The following RYR3 variants were observed in gnomAD, a reference collection of about 807,000 sequenced individuals.
RYR3 encodes the protein brain ryanodine receptor-calcium release channel.
A neutral mutation model predicts 584.3 loss-of-function variants in RYR3; 207 were observed. The ratio of observed to expected loss-of-function variants is 0.35; its 90% CI spans 0.32 to 0.40. The LOEUF (loss-of-function observed/expected upper bound fraction) is 0.40. RYR3 is among the 10% of genes least tolerant of loss of function. RYR3 has a pLI of 1.00. For synonymous variants in RYR3, 2,416 were observed against 2,248.5 expected (o/e 1.07, Z -2.11); for missense variants, 5,616 against 6,089.2 (o/e 0.92, Z 2.59).
Position 33,698,168 on chromosome 15 carries a change from G to A in RYR3, c.6249+172G>A, listed in dbSNP as rs2277890. 1.1e-3 allele frequency among the ~76,000 whole-genome samples: 173 copies of A among 152,308 alleles called. 1 individual carries two copies. In the East Asian group the frequency reaches 0.022, roughly 20 times the overall value. ...AAGCGATGGGATAATGCTGCTGGAC[G>A]GAATCCCATTGTGTAAGAGCTCTTG... On this transcript the variant is annotated intron_variant, in intron 40 of 103. Transcript: ENST00000634891.
chr15:33,859,527 A>G (rs1000387294), intron 99 of RYR3, 48 bp from the exon 100 acceptor site: 6 of 1,606,976 alleles, frequency 3.7e-6, no homozygotes, highest in Non-Finnish European at 5.1e-6. Flanking sequence ...TCTTGCTAAA[A>G]ACAGAACTGT....
At chr15:33,809,012 G>A (rs1386016999) in intron 70 of RYR3, among the ~76,000 whole-genome samples, 1 of 152,142 alleles carries the variant, frequency 6.6e-6, no homozygotes. Flanking sequence ...AATTGCAGCC[G>A]CCACAAGTGC....
chr15:33,373,914 A>G (rs976868898), intron 1 of RYR3, among the ~76,000 whole-genome samples: 11 of 152,222 alleles, frequency 7.2e-5, no homozygotes, highest in African/African-American at 2.7e-4. Context: ...GAATAGAGAA[A>G]AAGAGGCCAG....
At chr15:33,659,408 C>T (rs1339165278) in intron 32 of RYR3, among the ~76,000 whole-genome samples, 1 of 152,194 alleles carries the variant, frequency 6.6e-6, no homozygotes, top group African/African-American at 2.4e-5. Flanking sequence ...AGCAGGTATG[C>T]CTTTGGTGGG....
chr15:33,706,851 TTTGAGG>T, intron 42 of RYR3, 62 bp from the exon 43 acceptor site: 1 of 1,448,380 alleles, frequency 6.9e-7, no homozygotes, highest in Non-Finnish European at 9.4e-7. Flanking sequence ...CTTGTTATTT[TTTGAGG>T]TGTGTTTTTT....
At chr15:33,686,446 C>T (rs2065015344) in intron 38 of RYR3, among the ~76,000 whole-genome samples, 2 of 152,110 alleles carry the variant, frequency 1.3e-5, no homozygotes, top group Admixed American at 1.3e-4. Flanking sequence ...AGCCTACCAA[C>T]CAAAAAAAGT....
At chr15:33,468,180 T>G (rs892782) in intron 1 of RYR3, among the ~76,000 whole-genome samples, 95,704 of 152,024 alleles carry the variant, frequency 0.63, 31,256 homozygotes, top group African/African-American at 0.83. Flanking sequence ...TTATCAAATA[T>G]AGAGCATATT....
At chr15:33,690,531 C>A (rs2065346613) in intron 38 of RYR3, among the ~76,000 whole-genome samples, 1 of 152,186 alleles carries the variant, frequency 6.6e-6, no homozygotes, top group South Asian at 2.1e-4. Context: ...CTCGTACATA[C>A]CTGCCTCCCA....
chr15:33,721,196 G>A (rs1266934617), intron 43 of RYR3, among the ~76,000 whole-genome samples: 1 of 152,188 alleles, frequency 6.6e-6, no homozygotes, highest in African/African-American at 2.4e-5. Flanking sequence ...CAGCCCTATG[G>A]GGAGGTCAAC....
chr15:33,322,875 C>A (rs888315441), intron 1 of RYR3, among the ~76,000 whole-genome samples: 3 of 151,524 alleles, frequency 2.0e-5, no homozygotes, highest in African/African-American at 4.8e-5. Flanking sequence ...ACACTCTTGT[C>A]TACCTTATTG....
In RYR3 at chr15:33,821,261, T is replaced by A. The variant is rs10714306; in HGVS notation, c.10816-9T>A. On this transcript the variant is annotated splice_polypyrimidine_tract_variant and intron_variant, in intron 78 of 103. Coordinates refer to ENST00000634891, the MANE Select transcript of RYR3 (RefSeq NM_001036.6). ...ACCAATCTTTCCCTGTGATTTTTTT[T>A]CCCCCCAGGAGAAAGAGATGGAGAA... 3 of 1,562,440 alleles carry A rather than the reference T, an allele frequency of 1.9e-6. No homozygotes were observed. The highest frequency in any genetic ancestry group is 2.6e-6 in the Non-Finnish European group (3 of 1,156,044).
intron 17 of RYR3, among the ~76,000 whole-genome samples, chr15:33,601,971 G>A (rs950438419): frequency 6.6e-6 from 1 of 152,168 alleles, no homozygotes; most frequent in Non-Finnish European, 1.5e-5. Context: ...TCTGGCTCAT[G>A]GCCATGTATC....
chr15:33,799,414 A>G lies in RYR3; in HGVS notation c.9831-1356A>G, dbSNP rs369066257. The stretch of plus-strand genomic sequence containing the variant: ...ATAACCAATGGCCAGGGGTTTCACC[A>G]ATCATGCCTATATAATGGAGCCACC... On this transcript the variant is annotated intron_variant, in intron 67 of 103. Coordinates refer to ENST00000634891, the MANE Select transcript of RYR3 (RefSeq NM_001036.6). 2.4e-3 allele frequency among the ~76,000 whole-genome samples: 371 copies of G among 151,718 alleles called. 3 individuals carry two copies. The highest frequency in any genetic ancestry group is 8.4e-3 in the African/African-American group (347 of 41,418).
At position 33,601,512 on chromosome 15, in the gene RYR3, A is replaced by T; in HGVS notation, c.1882A>T (p.Asn628Tyr). Residue 628 changes from asparagine to tyrosine, a missense_variant, in exon 17 of 104, where the codon AAC becomes TAC. Physicochemically the swap from Asn to Tyr is moderately radical, Grantham distance 143 (BLOSUM62 -2). Around this residue, in one of 9 missense-constraint regions of RYR3, gnomAD observed 1,284 missense variants for 1,344.6 expected, o/e 0.95. Transcript: ENST00000634891. ...LICDNLLPRR[N>Y]LLLQTRLIND... ...CTGTGACAACTTGCTGCCCCGGAGA[A>T]ACCTACTCCTGCAGACACGACTGAT... 1 of 1,613,770 alleles carries T rather than the reference A, an allele frequency of 6.2e-7. No homozygotes were observed. The highest frequency in any genetic ancestry group is 8.5e-7 in the Non-Finnish European group (1 of 1,179,814).
intron 8 of RYR3, among the ~76,000 whole-genome samples, chr15:33,544,395 G>A (rs1233858679): frequency 1.3e-5 from 2 of 152,110 alleles, no homozygotes; most frequent in Non-Finnish European, 2.9e-5. Context: ...TGGGACAGCA[G>A]TGAGTCTGAT....
At chr15:33,719,283 T>C (rs1232261957) in intron 43 of RYR3, among the ~76,000 whole-genome samples, 2 of 152,346 alleles carry the variant, frequency 1.3e-5, no homozygotes, top group East Asian at 3.9e-4. Flanking sequence ...CTGAGACTCA[T>C]AAAATAAGGT....
chr15:33,489,736 G>T lies in RYR3; in HGVS notation c.172-13895G>T, dbSNP rs190842048. On this transcript the variant is annotated intron_variant, in intron 2 of 103. Coordinates refer to ENST00000634891, the MANE Select transcript of RYR3 (RefSeq NM_001036.6). ...GTATGTACCCAGTAATGGGATTGCT[G>T]GGTCGAATGGTGGTTCTGCTTTTAG... 3.1e-3 allele frequency among the ~76,000 whole-genome samples: 478 copies of T among 152,284 alleles called. 3 individuals carry two copies. Among genetic ancestry groups the T allele is most frequent in the African/African-American group, 0.011 (457 of 41,562 alleles).
chr15:33,656,483 G>A (rs889290394), intron 32 of RYR3, among the ~76,000 whole-genome samples: 4 of 142,010 alleles, frequency 2.8e-5, no homozygotes, highest in Admixed American at 7.3e-5. Flanking sequence ...CCCCTTGTAG[G>A]CATTTTTTTT....
intron 30 of RYR3, among the ~76,000 whole-genome samples, chr15:33,648,023 A>C: frequency 6.7e-6 from 1 of 149,440 alleles, no homozygotes. Context: ...TGTGGAAGAC[A>C]TGTGTGTCAA....
Sources: allele counts gnomAD v4.1 joint callset (sites outside exome capture counted in the v4.1 genomes callset), GRCh38; gene constraint gnomAD v4.1.1; regional missense constraint gnomAD v4.1.1; transcripts MANE v1.5; gene names NCBI Gene and HGNC (gene_info 2026-07-23, HGNC 2026-07-21).